Variants in TRIM4 observed in about 807,000 individuals in gnomAD.
TRIM4 encodes tripartite motif containing 4, also known as E3 ubiquitin-protein ligase TRIM4.
Under a neutral mutation model 33.7 loss-of-function variants are expected in TRIM4, and 29 were observed. The ratio of observed to expected loss-of-function variants is 0.86; its 90% CI spans 0.64 to 1.17. The LOEUF is 1.17. TRIM4 is among the 50% of genes most tolerant of loss of function. The probability of loss-of-function intolerance (pLI) is 0.00; values close to 1 mark genes in which losing one functional copy is unlikely to be tolerated. For synonymous variants in TRIM4, 224 were observed against 233.0 expected (o/e 0.96, Z 0.35); for missense variants, 554 against 593.7 (o/e 0.93, Z 0.69).
At chr7:99,915,408 T>C (rs781760722) in intron 1 of TRIM4, among the ~76,000 whole-genome samples, 2 of 152,238 alleles carry the variant, frequency 1.3e-5, no homozygotes, top group Non-Finnish European at 2.9e-5. Flanking sequence ...GCCTTTTCCA[T>C]GCAAACAATT....
chr7:99,902,027 C>A, intron 5 of TRIM4: 1 of 723,566 alleles, frequency 1.4e-6, no homozygotes. Flanking sequence ...GAAACTCCCT[C>A]AGGCAGAGGG....
chr7:99,913,451 G>A (rs761498837), intron 1 of TRIM4, among the ~76,000 whole-genome samples: 4 of 152,152 alleles, frequency 2.6e-5, no homozygotes, highest in East Asian at 3.9e-4. Context: ...GGCAGATTAC[G>A]AGGTCAGGAG....
chr7:99,895,599 GATTT>G (rs754155205), intron 5 of TRIM4, among the ~76,000 whole-genome samples: 17 of 152,288 alleles, frequency 1.1e-4, no homozygotes, highest in Non-Finnish European at 2.4e-4. Flanking sequence ...TATCCCTGCT[GATTT>G]ATTGCCTAAT....
At chr7:99,897,627 G>A (rs1819049621) in intron 5 of TRIM4, among the ~76,000 whole-genome samples, 1 of 152,196 alleles carries the variant, frequency 6.6e-6, no homozygotes, top group Middle Eastern at 3.4e-3. Context: ...TGGGGGAAAG[G>A]CCTAGAAAAG....
intron 3 of TRIM4, 41 bp downstream of exon 3, chr7:99,908,541 G>A (rs2151649024): frequency 1.4e-6 from 2 of 1,477,006 alleles, no homozygotes; most frequent in East Asian, 2.3e-5. Context: ...AGAGAGTTCA[G>A]TTAGTGAAGA....
chr7:99,919,433 C>A lies in TRIM4; in HGVS notation c.-32G>T. On this transcript the variant is annotated 5_prime_UTR_variant, in exon 1 of 6. Transcript: ENST00000349062. ...TCCCTGCCGCGGAGACGGAGTCCGA[C>A]GTGAGGCGCGGGAGAGGCCAGCAAG... 1 of 1,494,448 alleles carries A rather than the reference C, an allele frequency of 6.7e-7. No individual in the cohort carries two copies. The allele number at this position is 1,494,448 out of a possible 1,614,324, so 92.6% of individuals were successfully genotyped here.
At chr7:99,902,857 G>A (rs557411089) in intron 5 of TRIM4, among the ~76,000 whole-genome samples, 1 of 151,836 alleles carries the variant, frequency 6.6e-6, no homozygotes, top group African/African-American at 2.4e-5. Context: ...CGCCTCTGCT[G>A]TGAAAACTTT....
intron 1 of TRIM4, chr7:99,916,866 T>C (rs1356016877): frequency 2.7e-6 from 2 of 746,264 alleles, no homozygotes; most frequent in Non-Finnish European, 5.0e-6. Flanking sequence ...TTCAATCTTT[T>C]TACTATGGCA....
intron 5 of TRIM4, among the ~76,000 whole-genome samples, chr7:99,900,648 CTTTCT>C (rs1017218324): frequency 1.3e-5 from 2 of 152,122 alleles, no homozygotes; most frequent in African/African-American, 4.8e-5. Context: ...GCTGTAAACT[CTTTCT>C]TTTAAGCTTT....
At chr7:99,902,529 G>A (rs1819200006) in intron 5 of TRIM4, among the ~76,000 whole-genome samples, 1 of 152,164 alleles carries the variant, frequency 6.6e-6, no homozygotes, top group Non-Finnish European at 1.5e-5. Context: ...TTACAGACAT[G>A]AGCCTTCGTG....
At chr7:99,902,002 G>A in intron 5 of TRIM4, 1 of 676,198 alleles carries the variant, frequency 1.5e-6, no homozygotes, top group Non-Finnish European at 2.7e-6. Context: ...AGTTACCTCA[G>A]CCTTACATGG....
At chr7:99,897,844 A>AG (rs1203305069) in intron 5 of TRIM4, among the ~76,000 whole-genome samples, 8 of 152,150 alleles carry the variant, frequency 5.3e-5, no homozygotes, top group East Asian at 3.9e-4. Context: ...GGCCACTGCC[A>AG]GGGGTGGTGC....
intron 3 of TRIM4, among the ~76,000 whole-genome samples, chr7:99,906,349 C>T (rs1236362806): frequency 6.6e-6 from 1 of 151,692 alleles, no homozygotes; most frequent in South Asian, 2.1e-4. Context: ...TTTTTCTCCA[C>T]GAGTGTCATA....
At chr7:99,892,976 C>G (rs1818931263) in intron 5 of TRIM4, among the ~76,000 whole-genome samples, 1 of 152,224 alleles carries the variant, frequency 6.6e-6, no homozygotes. Flanking sequence ...AGACCAGGCG[C>G]AGTGACTCAT....
chr7:99,909,971 A>T (rs972577621), intron 1 of TRIM4, among the ~76,000 whole-genome samples: 4 of 152,084 alleles, frequency 2.6e-5, no homozygotes, highest in Admixed American at 2.6e-4. Context: ...GGCTCAACAG[A>T]TCCTCCCACC....
At chr7:99,897,824 C>A (rs769227818) in intron 5 of TRIM4, among the ~76,000 whole-genome samples, 11 of 152,216 alleles carry the variant, frequency 7.2e-5, no homozygotes, top group Non-Finnish European at 1.5e-4. Context: ...GTATTATAAA[C>A]CAGGCGCCAG....
rs139506127 is a variant in TRIM4, at chr7:99,892,651, G to T, written c.937C>A (p.Pro313Thr). 1 of 1,614,122 alleles carries T rather than the reference G, an allele frequency of 6.2e-7. No homozygotes were observed. Among genetic ancestry groups the T allele is most frequent in the Non-Finnish European group, 8.5e-7 (1 of 1,180,012 alleles). Residue 313 changes from proline to threonine, a missense_variant, in exon 6 of 6, where the codon CCA becomes ACA. By Grantham distance (38) the Pro-to-Thr change is conservative (BLOSUM62 -1). Transcript: ENST00000349062. ...TAGTTCCATGCTGAAGAAAACACTG[G>T]CCAAGAACTGGCTGATGCTGTATTT... ...VKNTASASSW[P>T]VFSSAWNYFA...
At chr7:99,908,855 C>A in intron 2 of TRIM4, 43 bp from the exon 3 acceptor site, 1 of 1,559,728 alleles carries the variant, frequency 6.4e-7, no homozygotes, top group South Asian at 1.1e-5. Context: ...TCTGCCTGAC[C>A]CCAGCTACTA....
Position 99,892,131 on chromosome 7 carries a change from G to T in TRIM4, c.*32C>A. On this transcript the variant is annotated 3_prime_UTR_variant, in exon 6 of 6. Coordinates refer to ENST00000349062, the MANE Select transcript of TRIM4 (RefSeq NM_033091.3). The stretch of plus-strand genomic sequence containing the variant: ...ATGTGTGTCCCTCAGCTGGACTACA[G>T]GGAAGGAGTTTTGGTCAGGGGAAGA... 6.4e-7 allele frequency: 1 copy of T among 1,560,690 alleles called. No individual in the cohort carries two copies. Among genetic ancestry groups the T allele is most frequent in the South Asian group, 1.2e-5 (1 of 82,154 alleles).
Sources: allele counts gnomAD v4.1 joint callset (sites outside exome capture counted in the v4.1 genomes callset), GRCh38; gene constraint gnomAD v4.1.1; transcripts MANE v1.5; gene names NCBI Gene and HGNC (gene_info 2026-07-23, HGNC 2026-07-21).